The following ACYP2 variants were observed in gnomAD, a reference collection of about 807,000 sequenced individuals.
The protein encoded by ACYP2 is acylphosphatase-2.
ACYP2 carries 12 observed loss-of-function variants against 11.2 expected under a neutral mutation model. The ratio of observed to expected loss-of-function variants is 1.08; its 90% CI spans 0.69 to 1.74. The LOEUF (loss-of-function observed/expected upper bound fraction) is 1.74, where lower values mean the gene tolerates loss of function less well. ACYP2 is among the 40% of genes most tolerant of loss of function. The pLI, the probability that ACYP2 is intolerant of heterozygous loss-of-function variation, is 0.00. For synonymous variants in ACYP2, 43 were observed against 32.2 expected (o/e 1.33, Z -1.13); for missense variants, 134 against 101.9 (o/e 1.31, Z -1.35).
intron 6 of ACYP2, among the ~76,000 whole-genome samples, chr2:54,146,439 ATT>A (rs11360655): frequency 0.041 from 5,695 of 140,586 alleles, 144 homozygotes; most frequent in Admixed American, 0.07. Context: ...CTGATCCTCT[ATT>A]TTTTTTTTTT....
At chr2:54,253,972 T>G (rs779677942) in intron 6 of ACYP2, 4 of 152,102 alleles carry the variant, frequency 2.6e-5, no homozygotes, top group Non-Finnish European at 5.9e-5. Context: ...CAGAAGAGAT[T>G]TATGAGAGAT....
chr2:54,158,614 A>T (rs1682551034), intron 6 of ACYP2, among the ~76,000 whole-genome samples: 1 of 152,146 alleles, frequency 6.6e-6, no homozygotes. Context: ...GCTATTCCCC[A>T]TATTTTTGAA....
At chr2:54,107,106 G>A (rs889971264) in intron 4 of ACYP2, among the ~76,000 whole-genome samples, 16 of 152,096 alleles carry the variant, frequency 1.1e-4, no homozygotes, top group African/African-American at 2.4e-4. Context: ...CCCTACCCAC[G>A]GGAACTGCCT....
chr2:54,193,577 T>A (rs952875034), intron 6 of ACYP2, among the ~76,000 whole-genome samples: 1 of 152,200 alleles, frequency 6.6e-6, no homozygotes, highest in African/African-American at 2.4e-5. Context: ...AATTTAGCTT[T>A]ATATTTGTTT....
At chr2:54,269,957 ATTTTG>A (rs1313594437) in intron 6 of ACYP2, among the ~76,000 whole-genome samples, 1 of 152,158 alleles carries the variant, frequency 6.6e-6, no homozygotes. Flanking sequence ...TATACTGGGT[ATTTTG>A]TTTCCAGTTT....
chr2:54,304,618 G>C, intron 6 of ACYP2, 70 bp from the exon 4 acceptor site: 1 of 1,061,950 alleles, frequency 9.4e-7, no homozygotes, highest in Non-Finnish European at 1.4e-6. Flanking sequence ...AATACCTACT[G>C]TGGGCTCATT....
intron 6 of ACYP2, among the ~76,000 whole-genome samples, chr2:54,140,427 G>T (rs1315563582): frequency 1.3e-5 from 2 of 152,034 alleles, no homozygotes; most frequent in African/African-American, 4.8e-5. Flanking sequence ...CTGTGCTCAT[G>T]TTTTCTTTTC....
intron 6 of ACYP2, among the ~76,000 whole-genome samples, chr2:54,153,078 A>G (rs1682256796): frequency 6.6e-6 from 1 of 152,058 alleles, no homozygotes; most frequent in Non-Finnish European, 1.5e-5. Flanking sequence ...ATGTTTTCTT[A>G]TAGTATGTTT....
In ACYP2 at chr2:54,051,015, C is replaced by CAGGAGGA; in HGVS notation, c.120_121insAGGAGGA (p.Ser41ArgfsTer16). ...CTAGAACTCCTAATGTCAAGCTATC[C>CAGGAGGA]TCCTGCCTCGGCCTCCCATGCTGTT... On this transcript the variant is annotated frameshift_variant, in exon 3 of 7. Transcript: ENST00000607452. LOFTEE classifies it high-confidence loss of function. 1 of 458,880 alleles carries CAGGAGGA rather than the reference C, an allele frequency of 2.2e-6. No individual in the cohort carries two copies. The highest frequency in any genetic ancestry group is 3.8e-6 in the Non-Finnish European group (1 of 262,606). The allele number at this position is 458,880 out of a possible 1,614,324, so 28.4% of individuals were successfully genotyped here. A position where few individuals can be genotyped will look rare whatever the true frequency, so the allele number is the denominator to read the frequency against.
At chr2:54,153,996 T>C (rs1490959639) in intron 6 of ACYP2, among the ~76,000 whole-genome samples, 1 of 152,144 alleles carries the variant, frequency 6.6e-6, no homozygotes, top group Non-Finnish European at 1.5e-5. Flanking sequence ...TTAATCAATG[T>C]TATATTTTTC....
intron 6 of ACYP2, among the ~76,000 whole-genome samples, chr2:54,298,211 G>A (rs909093135): frequency 1.3e-5 from 2 of 152,154 alleles, no homozygotes; most frequent in Admixed American, 6.5e-5. Context: ...CACAAATTTA[G>A]TGTAACAGTT....
At chr2:54,180,680 G>A (rs1187084995) in intron 6 of ACYP2, among the ~76,000 whole-genome samples, 1 of 151,992 alleles carries the variant, frequency 6.6e-6, no homozygotes, top group African/African-American at 2.4e-5. Flanking sequence ...TCAGCCTCCT[G>A]AGTAGCTGGG....
chr2:54,139,021 A>C (rs1681443231), intron 6 of ACYP2, among the ~76,000 whole-genome samples: 1 of 152,218 alleles, frequency 6.6e-6, no homozygotes, highest in South Asian at 2.1e-4. Flanking sequence ...TTTTGTTTGT[A>C]GATTACAATC....
At chr2:54,226,388 T>G (rs1327331150) in intron 6 of ACYP2, among the ~76,000 whole-genome samples, 1 of 152,220 alleles carries the variant, frequency 6.6e-6, no homozygotes, top group Non-Finnish European at 1.5e-5. Flanking sequence ...TTACTGGCTG[T>G]AGGCAGTCCT....
intron 6 of ACYP2, among the ~76,000 whole-genome samples, chr2:54,159,372 CTT>C (rs768866580): frequency 4.6e-4 from 52 of 113,394 alleles, no homozygotes; most frequent in Admixed American, 4.6e-4. Flanking sequence ...TTTTAGGATG[CTT>C]TTTTTTTTTT....
chr2:54,190,571 C>T (rs569621012), intron 6 of ACYP2, among the ~76,000 whole-genome samples: 6 of 152,162 alleles, frequency 3.9e-5, no homozygotes, highest in African/African-American at 1.2e-4. Flanking sequence ...TGCCAGGATA[C>T]TCTACTGCCA....
chr2:54,179,142 T>G lies in ACYP2; in HGVS notation c.404+40394T>G, dbSNP rs538355536. 8.6e-5 allele frequency among the ~76,000 whole-genome samples: 13 copies of G among 151,848 alleles called. No homozygotes were observed. The East Asian group carries it at 2.1e-3, about 25-fold the overall frequency. On this transcript the variant is annotated intron_variant, in intron 6 of 6. Transcript: ENST00000607452. ...TTAAGGGAATGCCTTAATGCGCTTA[T>G]TAAATGAAGTTTTTTGAGAAAAAAC...
Position 54,064,856 on chromosome 2 carries a change from C to T in ACYP2, c.277+7496C>T, listed in dbSNP as rs1368157467. On this transcript the variant is annotated intron_variant, in intron 4 of 6. Coordinates refer to ENST00000607452, the MANE Select transcript of ACYP2 (RefSeq NM_001320586.2). ...ATCCCAGCACTTTGGGAGGCCGAAGCGGGCGGATCACAAAGTCAGGAGTTT... is the reference window on the plus strand; with the variant it reads ...ATCCCAGCACTTTGGGAGGCCGAAGTGGGCGGATCACAAAGTCAGGAGTTT... Among the ~76,000 whole-genome samples, 3 of 152,098 alleles carry T rather than the reference C, an allele frequency of 2.0e-5. No homozygotes were observed. In the South Asian group the frequency reaches 6.2e-4, roughly 32 times the overall value.
intron 2 of ACYP2, among the ~76,000 whole-genome samples, chr2:54,045,447 G>A (rs1675467471): frequency 6.6e-6 from 1 of 152,214 alleles, no homozygotes; most frequent in Non-Finnish European, 1.5e-5. Context: ...TTGTTTTTAA[G>A]AGAGGAGCAG....
Sources: gnomAD v4.1 joint callset for allele counts (sites outside exome capture counted in the v4.1 genomes callset) on GRCh38, gnomAD v4.1.1 for gene constraint, MANE v1.5 for transcripts, NCBI Gene and HGNC (gene_info 2026-07-23, HGNC 2026-07-21) for gene names.